MID1: variants seen among roughly 807,000 people sequenced by gnomAD.
The protein encoded by MID1 is E3 ubiquitin-protein ligase Midline-1.
In MID1, 7 loss-of-function variants were observed where a neutral mutation model predicts 40.4. The ratio of observed to expected loss-of-function variants is 0.17; its 90% confidence interval spans 0.10 to 0.33. The LOEUF is 0.33. Among genes scored for constraint, MID1 ranks in the 10% least tolerant of loss-of-function variants. The pLI is 1.00. For synonymous variants in MID1, 229 were observed against 221.2 expected, an observed-to-expected ratio of 1.04 and a Z score of -0.31; for missense variants, 367 against 558.5, an observed-to-expected ratio of 0.66 and a Z score of 3.46.
chrX:10,720,518 G>C (rs1337016855), intron 1 of MID1, among the ~76,000 whole-genome samples: 2 of 111,975 alleles, frequency 1.8e-5, no homozygotes, highest in East Asian at 2.8e-4. Context: ...ACACTAGTTA[G>C]AATGGCGATC....
chrX:10,563,621 C>T (rs1227081160), intron 2 of MID1, among the ~76,000 whole-genome samples: 1 of 111,961 alleles, frequency 8.9e-6, no homozygotes, highest in Non-Finnish European at 1.9e-5. Context: ...CACTTAGAGA[C>T]CTTTGCACTT....
At chrX:10,687,366 G>A (rs964404891) in intron 1 of MID1, among the ~76,000 whole-genome samples, 1 of 112,159 alleles carries the variant, frequency 8.9e-6, no homozygotes, top group African/African-American at 3.2e-5. Flanking sequence ...AGGGCAAGAA[G>A]CTACCTGGGT....
At chrX:10,466,582 A>G (rs887860627) in intron 7 of MID1, among the ~76,000 whole-genome samples, 1 of 111,612 alleles carries the variant, frequency 9.0e-6, no homozygotes, top group Non-Finnish European at 1.9e-5. Context: ...TCTACCCACT[A>G]GATGCCAATA....
chrX:10,702,673 G>C (rs1372504980), intron 1 of MID1, among the ~76,000 whole-genome samples: 1 of 112,396 alleles, frequency 8.9e-6, no homozygotes, highest in African/African-American at 3.2e-5. Context: ...AAAGTTAGTT[G>C]ATAGTTATCA....
chrX:10,815,929 G>A (rs142399384), intron 1 of MID1, among the ~76,000 whole-genome samples: 2,536 of 111,429 alleles, frequency 0.023, 70 homozygotes, highest in African/African-American at 0.077. Context: ...ACAACAATCC[G>A]TCCCTACCTT....
chrX:10,720,675 T>G (rs182525030), intron 1 of MID1, among the ~76,000 whole-genome samples: 7 of 111,940 alleles, frequency 6.3e-5, no homozygotes, highest in African/African-American at 2.3e-4. Context: ...AAGTACCATT[T>G]GACCCAGCCA....
intron 2 of MID1, among the ~76,000 whole-genome samples, chrX:10,526,375 TATG>T (rs1489745339): frequency 9.0e-6 from 1 of 111,616 alleles, no homozygotes; most frequent in African/African-American, 3.3e-5. Flanking sequence ...CTAATCACTT[TATG>T]GTCAGAGACT....
At chrX:10,654,765 G>T (rs761513043) in intron 1 of MID1, among the ~76,000 whole-genome samples, 14 of 112,167 alleles carry the variant, frequency 1.2e-4, no homozygotes, top group Non-Finnish European at 2.4e-4. Flanking sequence ...CACTGGAGAT[G>T]TGAAAATGCA....
rs748431646 is a variant in MID1, at chrX:10,488,472, C to T, written c.865-5844G>A. On this transcript the variant is annotated intron_variant, in intron 4 of 9. Coordinates refer to ENST00000317552, the MANE Select transcript of MID1 (RefSeq NM_000381.4). ...CACATTTTTGCCAACACTTGGTATG[C>T]GCCATCTTTTGAATTTTAATTATTC... 4.5e-5 allele frequency among the ~76,000 whole-genome samples: 5 copies of T among 111,984 alleles called. No homozygotes were observed. The South Asian group carries it at 1.5e-3, about 33-fold the overall frequency.
intron 1 of MID1, among the ~76,000 whole-genome samples, chrX:10,825,769 T>G (rs1054311090): frequency 3.6e-5 from 4 of 111,336 alleles, no homozygotes; most frequent in Non-Finnish European, 7.5e-5. Context: ...TAGGTAAACT[T>G]ACAGAGATCT....
intron 1 of MID1, among the ~76,000 whole-genome samples, chrX:10,813,670 A>C (rs1399466252): frequency 1.8e-5 from 2 of 111,282 alleles, no homozygotes; most frequent in African/African-American, 3.3e-5. Flanking sequence ...CATGCTATTG[A>C]TTCAGGCAGT....
At chrX:10,459,464 G>A (rs1323284981) in intron 8 of MID1, among the ~76,000 whole-genome samples, 182 bp downstream of exon 8, 1 of 112,253 alleles carries the variant, frequency 8.9e-6, no homozygotes, top group Non-Finnish European at 1.9e-5. Context: ...TGAAGGAATA[G>A]AATCAGTTTT....
At chrX:10,729,990 G>A (rs1323632638) in intron 1 of MID1, among the ~76,000 whole-genome samples, 7 of 108,531 alleles carry the variant, frequency 6.4e-5, no homozygotes, top group Non-Finnish European at 1.3e-4. Flanking sequence ...AGGCTGAGGC[G>A]AGAGAATGGC....
chrX:10,820,401 A>G (rs1037011948), intron 1 of MID1, among the ~76,000 whole-genome samples: 3 of 112,094 alleles, frequency 2.7e-5, no homozygotes, highest in Non-Finnish European at 5.6e-5. Flanking sequence ...GTCCCGAAAG[A>G]CAACACATTT....
intron 3 of MID1, among the ~76,000 whole-genome samples, chrX:10,511,485 G>C (rs778384969): frequency 9.0e-6 from 1 of 111,448 alleles, no homozygotes; most frequent in African/African-American, 3.3e-5. Flanking sequence ...CTGGGTTCTA[G>C]TGATCCTCCT....
At chrX:10,455,863 T>TAAAG (rs768834891) in intron 8 of MID1, among the ~76,000 whole-genome samples, 210 of 112,245 alleles carry the variant, frequency 1.9e-3, no homozygotes, top group Middle Eastern at 0.014. Flanking sequence ...ATTTGTGTCT[T>TAAAG]AAAGATTTAA....
intron 1 of MID1, among the ~76,000 whole-genome samples, chrX:10,796,414 T>G (rs188142903): frequency 9.5e-4 from 77 of 80,735 alleles, no homozygotes; most frequent in African/African-American, 6.1e-3. Flanking sequence ...GAAAATTCAG[T>G]TTTTTTTTTT....
At chrX:10,729,517 T>G (rs1423324694) in intron 1 of MID1, among the ~76,000 whole-genome samples, 1 of 112,149 alleles carries the variant, frequency 8.9e-6, no homozygotes, top group African/African-American at 3.2e-5. Flanking sequence ...CGTTTCATCC[T>G]TTAATTTTAT....
chrX:10,643,488 T>C (rs930576198), intron 1 of MID1, among the ~76,000 whole-genome samples: 2 of 111,746 alleles, frequency 1.8e-5, no homozygotes, highest in African/African-American at 6.5e-5. Context: ...CCAGTTACAA[T>C]GGCGATCATT....
Sources: allele counts gnomAD v4.1 joint callset (sites outside exome capture counted in the v4.1 genomes callset), GRCh38; gene constraint gnomAD v4.1.1; transcripts MANE v1.5; gene names NCBI Gene and HGNC (gene_info 2026-07-23, HGNC 2026-07-21).